The following KMT2D variants were observed in gnomAD, a reference collection of about 807,000 sequenced individuals.
KMT2D encodes the protein lysine methyltransferase 2D, also known as histone-lysine N-methyltransferase 2D.
A neutral mutation model predicts 512.7 loss-of-function variants in KMT2D; 55 were observed. The observed-to-expected ratio is 0.11, with a 90% CI of 0.09 to 0.13. The LOEUF (loss-of-function observed/expected upper bound fraction) is 0.13. Ranked by LOEUF, KMT2D falls within the 10% of genes least tolerant of loss-of-function variation. The pLI is 1.00. For synonymous variants in KMT2D, 2,995 were observed against 2,904.0 expected, an observed-to-expected ratio of 1.03 and a Z score of -1.01; for missense variants, 6,061 against 7,127.9, an observed-to-expected ratio of 0.85 and a Z score of 5.39.
rs1820104765 is a variant in KMT2D, at chr12:49,047,874, C to T, written c.4236+91G>A. ...AATGAACAACCATGACCGATGGCCG[C>T]TTTAAGAGGTGGTATGGCCAGGACA... On this transcript the variant is annotated intron_variant, in intron 15 of 54. Coordinates refer to ENST00000301067, the MANE Select transcript of KMT2D (RefSeq NM_003482.4). 3 of 886,378 alleles carry T rather than the reference C, an allele frequency of 3.4e-6. No homozygotes were observed. In the Admixed American group the frequency reaches 5.9e-5, roughly 17 times the overall value. The allele number at this position is 886,378 out of a possible 1,614,324, so 54.9% of individuals were successfully genotyped here.
rs1436173183 is a variant in KMT2D at position 49,038,985 on chromosome 12, G to T, written c.8371C>A (p.Leu2791Met). 1 of 1,551,770 alleles carries T rather than the reference G, an allele frequency of 6.4e-7. No individual in the cohort carries two copies. Among genetic ancestry groups the T allele is most frequent in the African/African-American group, 1.4e-5 (1 of 73,022 alleles). Residue 2791 changes from leucine to methionine, a missense_variant, in exon 35 of 55, where the codon CTG becomes ATG. Leu to Met is a conservative substitution (Grantham distance 15). This residue lies in a region of KMT2D where 527 missense variants were observed against 578.9 expected (regional missense o/e 0.91). Coordinates refer to ENST00000301067, the MANE Select transcript of KMT2D (RefSeq NM_003482.4). The surrounding 1 kb of genome is among the most constrained non-coding windows in gnomAD (Gnocchi z 5.7). ...TAGAAAGCTTGGGAGCCTCCTACCA[G>T]TTGCCTGGAAGAATATACAGTAGTC... ...PSSMDVNSRQ[L>M]VGGSQAFYQR...
chr12:49,039,993 G>T lies in KMT2D; in HGVS notation c.7777C>A (p.Pro2593Thr), dbSNP rs2120520690. The change falls in exon 32 of 55, where the codon CCC becomes ACC. Residue 2593 changes from proline (P) to threonine (T), a missense_variant. By Grantham distance (38) the Pro-to-Thr change is conservative (BLOSUM62 -1). This residue lies in a region of KMT2D where 527 missense variants were observed against 578.9 expected (regional missense o/e 0.91). Transcript: ENST00000301067. The surrounding 1 kb of genome is among the most constrained non-coding windows in gnomAD (Gnocchi z 5.0). ...GTGGACCCGCTGCTGGGCCCCAGGG[G>T]GCTGCCCGATGGGTGGAAGTTCCCT... ...ATGNFHPSGS[P>T]LGPSSGSTGE... 1.9e-5 allele frequency: 30 copies of T among 1,613,774 alleles called. No homozygotes were observed. The highest frequency in any genetic ancestry group is 2.5e-5 in the Non-Finnish European group (29 of 1,179,792).
chr12:49,035,508 A>G (rs1943176937), intron 35 of KMT2D: 1 of 152,476 alleles, frequency 6.6e-6, no homozygotes, highest in Non-Finnish European at 1.5e-5. Flanking sequence ...CACACTTTGT[A>G]TATTTCTCCA....
Position 49,044,538 on chromosome 12 carries a change from G to A in KMT2D, c.4964-16C>T, listed in dbSNP as rs747559672. 2 of 1,612,892 alleles carry A rather than the reference G, an allele frequency of 1.2e-6. No homozygotes were observed. The highest frequency in any genetic ancestry group is 1.7e-6 in the Non-Finnish European group (2 of 1,179,364). ...TCCACACCACCTGCGTATGGTGACAGAAGAGATGGAGGCAAATCAGAACTA... is the reference window on the plus strand; with the variant it reads ...TCCACACCACCTGCGTATGGTGACAAAAGAGATGGAGGCAAATCAGAACTA... On this transcript the variant is annotated splice_polypyrimidine_tract_variant and intron_variant, in intron 20 of 54. Transcript: ENST00000301067. The surrounding 1 kb of genome is among the most constrained non-coding windows in gnomAD (Gnocchi z 6.4).
In KMT2D at chr12:49,031,619, A is replaced by C. The variant is rs750765872; in HGVS notation, c.13086T>G (p.Ala4362=). Residue 4362 remains alanine, a synonymous_variant, in exon 40 of 55, where the codon GCT becomes GCG. Transcript: ENST00000301067. ...TAAACAAGGTATCTGCAAGCTGGGC[A>C]GCAGCAGGTGAGACCCTCCCAGGAG... The part of the protein sequence containing the change: ...EPPPGRVSPA[A]AQLADTLFSK... 7 of 1,601,038 alleles carry C rather than the reference A, an allele frequency of 4.4e-6. No homozygotes were observed. In the East Asian group the frequency reaches 1.3e-4, roughly 31 times the overall value.
chr12:49,049,114 C>T lies in KMT2D; in HGVS notation c.4011G>A (p.Glu1337=), dbSNP rs764658954. ...ARLKSTASSI[E]TLVVADIDSS... ...GGAGGCATCTCCTTACTACCAGAGT[C>T]TCAATGGAAGAAGCAGTTGACTTTA... The change falls in exon 13 of 55, where the codon GAG becomes GAA. Residue 1337 remains glutamate (E), a synonymous_variant. Coordinates refer to ENST00000301067, the MANE Select transcript of KMT2D (RefSeq NM_003482.4). 5.0e-6 allele frequency: 8 copies of T among 1,603,832 alleles called. No homozygotes were observed. The highest frequency in any genetic ancestry group is 3.4e-5 in the Admixed American group (2 of 59,562).
chr12:49,025,719 T>A (rs1233982413), intron 49 of KMT2D, among the ~76,000 whole-genome samples: 1 of 152,192 alleles, frequency 6.6e-6, no homozygotes, highest in Non-Finnish European at 1.5e-5. Context: ...ATGAACAAAA[T>A]AAACTACACA....
chr12:49,041,067 T>TG lies in KMT2D; in HGVS notation c.6702dup (p.Arg2235GlnfsTer8). ...GGGTCAGGTGTGGAGGGCTGGTGTC[T>TG]GGGGGTGCCAGGTGGGGTAGTGTGG... is the stretch of plus-strand genomic sequence containing the variant. On this transcript the variant is annotated frameshift_variant, in exon 32 of 55. Transcript: ENST00000301067. LOFTEE classifies it high-confidence loss of function. The surrounding 1 kb of genome is among the most constrained non-coding windows in gnomAD (Gnocchi z 5.4). 1 of 1,537,392 alleles carries TG rather than the reference T, an allele frequency of 6.5e-7. No homozygotes were observed. Among genetic ancestry groups the TG allele is most frequent in the Non-Finnish European group, 8.7e-7 (1 of 1,143,858 alleles).
rs772454314 is a variant in KMT2D, at chr12:49,041,545, G to C, written c.6235-10C>G. The stretch of plus-strand genomic sequence containing the variant: ...TCTGGCTCTCAGCCTGCTACAGGGG[G>C]AGACCAGGCATAGGGCAGTCAGGCT... On this transcript the variant is annotated splice_polypyrimidine_tract_variant and intron_variant, in intron 31 of 54. Transcript: ENST00000301067. This position sits in a 1 kb window ranked among gnomAD's most constrained non-coding sequence, Gnocchi z 5.4. The C allele has an allele frequency of 6.2e-7, 1 of 1,613,302 alleles. No individual in the cohort carries two copies. The highest frequency in any genetic ancestry group is 8.5e-7 in the Non-Finnish European group (1 of 1,179,552).
chr12:49,052,528 G>A (rs574277537), intron 10 of KMT2D, 36 bp downstream of exon 10: 2 of 1,606,626 alleles, frequency 1.2e-6, no homozygotes, highest in African/African-American at 2.7e-5. Flanking sequence ...TAGAATAAAA[G>A]GGGATGAATT....
chr12:49,039,554 TCTC>T lies in KMT2D; in HGVS notation c.8107_8109del (p.Glu2703del), dbSNP rs771294848. 2.1e-5 allele frequency: 34 copies of T among 1,611,730 alleles called. No homozygotes were observed. The highest frequency in any genetic ancestry group is 2.5e-5 in the Non-Finnish European group (29 of 1,179,592). On this transcript the variant is annotated inframe_deletion, in exon 33 of 55. Coordinates refer to ENST00000301067, the MANE Select transcript of KMT2D (RefSeq NM_003482.4). The surrounding 1 kb of genome is among the most constrained non-coding windows in gnomAD (Gnocchi z 5.0). ...CCTGCAGCTGCTGCAGCTGTTTCCTTCTCCTGCCGCAGGGTGTTGCGCTGGATC... is the reference window on the plus strand; with the variant it reads ...CCTGCAGCTGCTGCAGCTGTTTCCTTCTGCCGCAGGGTGTTGCGCTGGATC...
At position 49,053,197 on chromosome 12, in the gene KMT2D, G is replaced by A. The variant is rs1438942959; in HGVS notation, c.954+10C>T. 6.2e-7 allele frequency: 1 copy of A among 1,611,512 alleles called. No individual in the cohort carries two copies. Among genetic ancestry groups the A allele is most frequent in the Non-Finnish European group, 8.5e-7 (1 of 1,177,628 alleles). ...TTAGGGACAATAGGGCAGAATCAGG[G>A]TACACTCACCTTGCACTTCCAAGAG... On this transcript the variant is annotated intron_variant, in intron 8 of 54. Coordinates refer to ENST00000301067, the MANE Select transcript of KMT2D (RefSeq NM_003482.4).
chr12:49,041,381 G>A lies in KMT2D; in HGVS notation c.6389C>T (p.Thr2130Ile), dbSNP rs1218105017. The A allele has an allele frequency of 6.3e-7, 1 of 1,599,754 alleles. No individual in the cohort carries two copies. Residue 2130 changes from threonine to isoleucine, a missense_variant, in exon 32 of 55, where the codon ACT (threonine) becomes ATT (isoleucine). Physicochemically the swap from Thr to Ile is moderately conservative, Grantham distance 89. Transcript: ENST00000301067. The surrounding 1 kb of genome is among the most constrained non-coding windows in gnomAD (Gnocchi z 5.4). ...AGAGGTAGACAAGCCGGCGGGGGTAGTGGGGCTGCCAATGAAAATGGTGGG... is the reference window on the plus strand; with the variant it reads ...AGAGGTAGACAAGCCGGCGGGGGTAATGGGGCTGCCAATGAAAATGGTGGG... Reference protein sequence around the residue: ...AAPTIFIGSPTTPAGLSTSAD... With the variant: ...AAPTIFIGSPITPAGLSTSAD...
Position 49,040,708 on chromosome 12 carries a change from AG to A in KMT2D, c.7061del (p.Pro2354LeufsTer30). The A allele has an allele frequency of 6.2e-7, 1 of 1,613,630 alleles. No homozygotes were observed. Among genetic ancestry groups the A allele is most frequent in the Non-Finnish European group, 8.5e-7 (1 of 1,179,780 alleles). ...GLGLRPQEPP[P>X]AQALAPSPPS... ...GAGGAGAAGGTGCCAAAGCCTGGGC[AG>A]GGGGTGGCTCCTGGGGCCTTAGGCC... is the stretch of plus-strand genomic sequence containing the variant. On this transcript the variant is annotated frameshift_variant, in exon 32 of 55. Coordinates refer to ENST00000301067, the MANE Select transcript of KMT2D (RefSeq NM_003482.4). LOFTEE classifies it high-confidence loss of function.
chr12:49,048,105 G>C (rs775695924), intron 14 of KMT2D, 36 bp from the exon 15 acceptor site: 2 of 1,396,998 alleles, frequency 1.4e-6, no homozygotes, highest in Non-Finnish European at 2.0e-6. Context: ...TGTCCAACTA[G>C]ATCTCCCCAT....
At position 49,043,266 on chromosome 12, in the gene KMT2D, G is replaced by A. The variant is rs141372910; in HGVS notation, c.5534-80C>T. The A allele has an allele frequency of 9.8e-5, 152 of 1,551,468 alleles. No homozygotes were observed. The Admixed American group carries it at 2.3e-3, about 23-fold the overall frequency. On this transcript the variant is annotated intron_variant, in intron 25 of 54. Coordinates refer to ENST00000301067, the MANE Select transcript of KMT2D (RefSeq NM_003482.4). ...CTGAACCACAGAGGGCCATGGGACAGTTTCCAGCCTCCAACACTGACAATG... is the reference window on the plus strand; with the variant it reads ...CTGAACCACAGAGGGCCATGGGACAATTTCCAGCCTCCAACACTGACAATG...
chr12:49,028,011 G>A lies in KMT2D; in HGVS notation c.14513C>T (p.Pro4838Leu), dbSNP rs1313900492. Residue 4838 changes from proline to leucine, a missense_variant and splice_region_variant, in exon 47 of 55, where the codon CCT (proline) becomes CTT (leucine). By Grantham distance (98) the Pro-to-Leu change is moderately conservative. Around this residue, in one of 16 missense-constraint regions of KMT2D, gnomAD observed 1,600 missense variants for 1,754.9 expected, o/e 0.91. Transcript: ENST00000301067. Reference sequence around the variant, plus strand: ...AAGGGCTTCCCTGCCACACTCACCAGGACCCTCAGCTTCCCCCTTCTTTGG... The same window carrying A: ...AAGGGCTTCCCTGCCACACTCACCAAGACCCTCAGCTTCCCCCTTCTTTGG... ...TEPKKGEAEGPGGKEKGLEGK... is the reference protein window; with the variant it reads ...TEPKKGEAEGLGGKEKGLEGK... 1.4e-5 allele frequency: 23 copies of A among 1,613,856 alleles called. No homozygotes were observed. Among genetic ancestry groups the A allele is most frequent in the Non-Finnish European group, 1.9e-5 (22 of 1,179,810 alleles).
rs1266616574 is a variant in KMT2D at position 49,027,919 on chromosome 12, T to C, written c.14527A>G (p.Lys4843Glu). The C allele has an allele frequency of 6.2e-7, 1 of 1,613,960 alleles. No individual in the cohort carries two copies. The highest frequency in any genetic ancestry group is 1.1e-5 in the South Asian group (1 of 91,072). The change falls in exon 48 of 55, where the codon AAG becomes GAG. Residue 4843 changes from lysine (K) to glutamate (E), a missense_variant. This residue lies in a region of KMT2D where 1,600 missense variants were observed against 1,754.9 expected (regional missense o/e 0.91). Transcript: ENST00000301067. Reference protein sequence around the residue: ...GEAEGPGGKEKGLEGKSPDTG... With the variant: ...GEAEGPGGKEEGLEGKSPDTG... ...TCTGGGCTCTTGCCTTCCAGACCCT[T>C]TTCCTTCCCACCTGCAGAAAGGAGT...
rs780023354 is a variant in KMT2D at position 49,038,791 on chromosome 12, C to A, written c.8565G>T (p.Ala2855=). 1.3e-6 allele frequency: 2 copies of A among 1,589,204 alleles called. No individual in the cohort carries two copies. Among genetic ancestry groups the A allele is most frequent in the African/African-American group, 1.3e-5 (1 of 74,384 alleles). ...LGRQALGSPL[A]GISTRLPGPG... ...GGCCTGGCAGACGGGTGGAAATTCC[C>A]GCCAACGGGGAACCTAGGGCTTGGC... is the stretch of plus-strand genomic sequence containing the variant. Residue 2855 remains alanine, a synonymous_variant, in exon 35 of 55, where the codon GCG becomes GCT. Transcript: ENST00000301067. This position sits in a 1 kb window ranked among gnomAD's most constrained non-coding sequence, Gnocchi z 5.7.
Sources: gnomAD v4.1 joint callset for allele counts (sites outside exome capture counted in the v4.1 genomes callset) on GRCh38, gnomAD v4.1.1 for gene constraint, gnomAD v4.1.1 regional missense constraint, Gnocchi (gnomAD v3.1) non-coding constraint, MANE v1.5 for transcripts, NCBI Gene and HGNC (gene_info 2026-07-23, HGNC 2026-07-21) for gene names.